CREBBP: variants seen among roughly 807,000 people sequenced by gnomAD.
The protein encoded by CREBBP is CREB-binding protein.
In CREBBP, 19 loss-of-function variants were observed where a neutral mutation model predicts 265.0. The ratio of observed to expected loss-of-function variants is 0.07; its 90% CI spans 0.05 to 0.11. CREBBP has a LOEUF of 0.11. Ranked by LOEUF, CREBBP falls within the 10% of genes least tolerant of loss-of-function variation. The pLI is 1.00. For missense variants in CREBBP, 2,525 were observed against 3,219.0 expected (o/e 0.78, Z 5.22); for synonymous variants, 1,457 against 1,223.7 (o/e 1.19, Z -3.98).
At chr16:3,791,155 C>T (rs1358398993) in intron 5 of CREBBP, 1 of 152,718 alleles carries the variant, frequency 6.5e-6, no homozygotes, top group Non-Finnish European at 1.5e-5. Context: ...TCCTAGCTGT[C>T]CGAAACTGAA....
At chr16:3,757,738 A>C in intron 18 of CREBBP, 71 bp downstream of exon 18, 1 of 1,599,900 alleles carries the variant, frequency 6.3e-7, no homozygotes, top group Non-Finnish European at 8.5e-7. Flanking sequence ...GCGTGGTCTC[A>C]TATTAGTATA....
chr16:3,731,754 C>T lies in CREBBP; in HGVS notation c.4890+22G>A, dbSNP rs1331653089. 1 of 1,614,118 alleles carries T rather than the reference C, an allele frequency of 6.2e-7. No homozygotes were observed. Among genetic ancestry groups the T allele is most frequent in the Non-Finnish European group, 8.5e-7 (1 of 1,180,006 alleles). The stretch of plus-strand genomic sequence containing the variant: ...CTCCTCCCGGCCAGAGGCACGGCTG[C>T]AGCACCGCAGCCCACGCCTACCTCC... On this transcript the variant is annotated intron_variant, in intron 29 of 30. Coordinates refer to ENST00000262367, the MANE Select transcript of CREBBP (RefSeq NM_004380.3). This position sits in a 1 kb window ranked among gnomAD's most constrained non-coding sequence, Gnocchi z 7.7.
At chr16:3,847,111 A>G (rs1237320449) in intron 2 of CREBBP, among the ~76,000 whole-genome samples, 9 of 152,318 alleles carry the variant, frequency 5.9e-5, no homozygotes, top group Middle Eastern at 3.4e-3. Flanking sequence ...ATTATGATGT[A>G]TCATATAATG....
chr16:3,814,324 A>T (rs2053997695), intron 2 of CREBBP, among the ~76,000 whole-genome samples: 1 of 150,666 alleles, frequency 6.6e-6, no homozygotes, highest in Admixed American at 6.6e-5. Context: ...GCATGATTTC[A>T]GCTCCCTGCA....
At chr16:3,753,686 A>T (rs574259408) in intron 19 of CREBBP, among the ~76,000 whole-genome samples, 2 of 152,334 alleles carry the variant, frequency 1.3e-5, no homozygotes, top group South Asian at 4.1e-4. Context: ...AGAAGGAATT[A>T]AAGTACAGAA....
chr16:3,739,446 T>G, intron 25 of CREBBP, 132 bp downstream of exon 25: 1 of 1,020,858 alleles, frequency 9.8e-7, no homozygotes, highest in Non-Finnish European at 1.5e-6. Context: ...ACTACTTTGG[T>G]TAGTTAATTG....
At chr16:3,781,103 A>T in intron 7 of CREBBP, 101 bp downstream of exon 7, 1 of 1,214,962 alleles carries the variant, frequency 8.2e-7, no homozygotes, top group Non-Finnish European at 1.2e-6. Context: ...CACCCCATTT[A>T]AACTATTTTC....
intron 2 of CREBBP, chr16:3,840,382 T>G (rs1468738559): frequency 6.6e-6 from 1 of 152,362 alleles, no homozygotes; most frequent in African/African-American, 2.4e-5. Flanking sequence ...ACACCATGTC[T>G]GCATTAAAAA....
intron 16 of CREBBP, among the ~76,000 whole-genome samples, chr16:3,762,592 GC>G (rs1468811605): frequency 6.6e-6 from 1 of 151,996 alleles, no homozygotes; most frequent in Non-Finnish European, 1.5e-5. Flanking sequence ...CCCTCCTCTG[GC>G]CCGAGGACCT....
At chr16:3,771,548 C>T (rs1283729009) in intron 13 of CREBBP, among the ~76,000 whole-genome samples, 1 of 152,098 alleles carries the variant, frequency 6.6e-6, no homozygotes, top group Non-Finnish European at 1.5e-5. Context: ...ACATCTACAG[C>T]AGTCCCCTCA....
chr16:3,877,823 TTGAC>T (rs1170750218), intron 1 of CREBBP, among the ~76,000 whole-genome samples: 4 of 152,276 alleles, frequency 2.6e-5, no homozygotes, highest in African/African-American at 9.6e-5. Flanking sequence ...AAGTATGATG[TTGAC>T]TTTCTACTTT....
At chr16:3,809,222 G>C (rs762516171) in intron 3 of CREBBP, among the ~76,000 whole-genome samples, 1 of 151,546 alleles carries the variant, frequency 6.6e-6, no homozygotes, top group Non-Finnish European at 1.5e-5. Context: ...CTGCCACCCA[G>C]GCTAGAGTGC....
At chr16:3,749,456 T>C (rs1447278466) in intron 21 of CREBBP, among the ~76,000 whole-genome samples, 171 bp downstream of exon 21, 1 of 152,216 alleles carries the variant, frequency 6.6e-6, no homozygotes, top group Non-Finnish European at 1.5e-5. Flanking sequence ...GAGACATACA[T>C]ATTTTGTTTA....
intron 3 of CREBBP, among the ~76,000 whole-genome samples, chr16:3,798,278 T>C (rs1003601801): frequency 2.6e-5 from 4 of 152,230 alleles, no homozygotes; most frequent in Non-Finnish European, 5.9e-5. Flanking sequence ...AGGCAGTTTC[T>C]TACTACGTCA....
chr16:3,726,239 C>T lies in CREBBP; in HGVS notation c.*1479G>A, dbSNP rs1173343548. ...TGCCTCAGATTCTGGGAGTCGTGTA[C>T]GGGGGGGGGGAGCCGCCTGAACACG... On this transcript the variant is annotated 3_prime_UTR_variant, in exon 31 of 31. Transcript: ENST00000262367. 4 of 167,358 alleles carry T rather than the reference C, an allele frequency of 2.4e-5. No individual in the cohort carries two copies. Among genetic ancestry groups the T allele is most frequent in the East Asian group, 7.6e-5 (1 of 13,142 alleles). 10.4% of individuals were successfully genotyped at this position (167,358 alleles called of 1,614,324 possible).
chr16:3,871,282 G>T (rs1367400406), intron 1 of CREBBP, among the ~76,000 whole-genome samples: 1 of 151,620 alleles, frequency 6.6e-6, no homozygotes, highest in Non-Finnish European at 1.5e-5. Flanking sequence ...AAGTCACAGC[G>T]CTGCCGAGCT....
At chr16:3,839,874 A>G (rs1056100255) in intron 2 of CREBBP, among the ~76,000 whole-genome samples, 1 of 151,708 alleles carries the variant, frequency 6.6e-6, no homozygotes, top group Non-Finnish European at 1.5e-5. Flanking sequence ...AGAAAGAGAA[A>G]AGAAAAGAAA....
intron 6 of CREBBP, 56 bp from the exon 7 acceptor site, chr16:3,781,362 G>C (rs2053270919): frequency 1.1e-5 from 16 of 1,396,294 alleles, no homozygotes; most frequent in Non-Finnish European, 1.6e-5. Flanking sequence ...ATACTTCAAA[G>C]TTTTGATGAC....
intron 2 of CREBBP, among the ~76,000 whole-genome samples, chr16:3,844,491 C>T (rs879280490): frequency 1.3e-3 from 200 of 152,186 alleles, no homozygotes; most frequent in Non-Finnish European, 1.2e-3. Flanking sequence ...TATTTTATGA[C>T]GAACAGATTA....
Sources: gnomAD v4.1 joint callset for allele counts (sites outside exome capture counted in the v4.1 genomes callset) on GRCh38, gnomAD v4.1.1 for gene constraint, Gnocchi (gnomAD v3.1) non-coding constraint, MANE v1.5 for transcripts, NCBI Gene and HGNC (gene_info 2026-07-23, HGNC 2026-07-21) for gene names.